Variants in ZBTB44 observed in about 807,000 individuals in gnomAD.
ZBTB44 encodes the protein zinc finger and BTB domain-containing protein 44.
A neutral mutation model predicts 54.0 loss-of-function variants in ZBTB44; 15 were observed. That is an observed-to-expected ratio of 0.28 (90% CI 0.19 to 0.43). The LOEUF is 0.43. Ranked by LOEUF, ZBTB44 falls within the 20% of genes least tolerant of loss-of-function variation. The pLI, the probability that ZBTB44 is intolerant of heterozygous loss-of-function variation, is 1.00. For synonymous variants in ZBTB44, 230 were observed against 250.1 expected (o/e 0.92, Z 0.76); for missense variants, 487 against 707.1 (o/e 0.69, Z 3.53).
At chr11:130,233,537 A>T in intron 6 of ZBTB44, 155 bp from the exon 7 acceptor site, 1 of 1,436,672 alleles carries the variant, frequency 7.0e-7, no homozygotes, top group Non-Finnish European at 9.1e-7. Context: ...TTCCAAAAAC[A>T]ACAGGCTTTA....
rs145912023 is a variant in ZBTB44 at position 130,240,499 on chromosome 11, GTAAT to G, written c.1019-607_1019-604del. 5.3e-3 allele frequency among the ~76,000 whole-genome samples: 801 copies of G among 152,272 alleles called. 12 individuals carry two copies. Among genetic ancestry groups the G allele is most frequent in the African/African-American group, 0.019 (769 of 41,560 alleles). ...CGAACAAAAATCCACATAAAACTGA[GTAAT>G]TAACCATTTAAGGAAACACTGAAAT... On this transcript the variant is annotated intron_variant, in intron 2 of 7. Transcript: ENST00000357899.
At chr11:130,234,797 C>CTAT (rs1257018697) in intron 5 of ZBTB44, among the ~76,000 whole-genome samples, 2 of 152,074 alleles carry the variant, frequency 1.3e-5, no homozygotes, top group Non-Finnish European at 2.9e-5. Context: ...GTGTATCCTG[C>CTAT]TATTACATTT....
intron 2 of ZBTB44, among the ~76,000 whole-genome samples, chr11:130,254,901 AG>A (rs1286360950): frequency 6.6e-6 from 1 of 152,174 alleles, no homozygotes; most frequent in Non-Finnish European, 1.5e-5. Context: ...GCCATAAAAA[AG>A]GATGGGTTCA....
chr11:130,243,647 G>A (rs1441580801), intron 2 of ZBTB44, among the ~76,000 whole-genome samples: 1 of 152,198 alleles, frequency 6.6e-6, no homozygotes, highest in African/African-American at 2.4e-5. Context: ...ACATGAGCAT[G>A]CTTTTCTCCA....
At chr11:130,239,985 G>C (rs1285707940) in intron 2 of ZBTB44, 89 bp from the exon 3 acceptor site, 3 of 836,960 alleles carry the variant, frequency 3.6e-6, no homozygotes, top group Non-Finnish European at 5.8e-6. Context: ...CTAAGCCTCT[G>C]ACATATATTA....
intron 1 of ZBTB44, among the ~76,000 whole-genome samples, chr11:130,301,522 C>T (rs1025809071): frequency 2.0e-5 from 3 of 151,930 alleles, no homozygotes; most frequent in Non-Finnish European, 2.9e-5. Context: ...TAATCCGCTG[C>T]GTGTGGTGGT....
intron 1 of ZBTB44, among the ~76,000 whole-genome samples, chr11:130,294,201 G>A (rs373027859): frequency 3.3e-5 from 5 of 151,988 alleles, no homozygotes; most frequent in African/African-American, 1.2e-4. Context: ...TTGAGGCCAG[G>A]AGTTTGAGAC....
At chr11:130,290,122 A>C (rs1941214765) in intron 1 of ZBTB44, among the ~76,000 whole-genome samples, 1 of 152,192 alleles carries the variant, frequency 6.6e-6, no homozygotes, top group South Asian at 2.1e-4. Flanking sequence ...GTCTCCTTAT[A>C]CAAGGAAGGC....
intron 1 of ZBTB44, among the ~76,000 whole-genome samples, chr11:130,287,670 CATG>C (rs1409030750): frequency 6.6e-6 from 1 of 152,098 alleles, no homozygotes; most frequent in Non-Finnish European, 1.5e-5. Context: ...GATATACCTA[CATG>C]ATAACTGATA....
At chr11:130,308,684 A>G (rs1228354873) in intron 1 of ZBTB44, among the ~76,000 whole-genome samples, 1 of 152,234 alleles carries the variant, frequency 6.6e-6, no homozygotes, top group East Asian at 1.9e-4. Flanking sequence ...ATGGCTACAC[A>G]TACCCATGCA....
At chr11:130,264,019 C>A (rs1222119292) in intron 1 of ZBTB44, among the ~76,000 whole-genome samples, 1 of 152,170 alleles carries the variant, frequency 6.6e-6, no homozygotes, top group Non-Finnish European at 1.5e-5. Context: ...TGGTTGAAAG[C>A]ACAGACTCTG....
chr11:130,281,898 C>T (rs1017159382), intron 1 of ZBTB44, among the ~76,000 whole-genome samples: 6 of 152,280 alleles, frequency 3.9e-5, no homozygotes, highest in East Asian at 1.9e-4. Flanking sequence ...AGCCACCGCG[C>T]CCGGCCTATT....
intron 6 of ZBTB44, 139 bp downstream of exon 6, chr11:130,234,017 C>T: frequency 1.3e-6 from 2 of 1,520,468 alleles, no homozygotes; most frequent in Non-Finnish European, 1.8e-6. Context: ...GAAGACAGCT[C>T]TGATTTTGGG....
At chr11:130,282,925 A>G (rs532597301) in intron 1 of ZBTB44, among the ~76,000 whole-genome samples, 1 of 151,588 alleles carries the variant, frequency 6.6e-6, no homozygotes, top group Non-Finnish European at 1.5e-5. Context: ...CAATCCTCCC[A>G]TATCAGTCTC....
At position 130,287,533 on chromosome 11, in the gene ZBTB44, T is replaced by C. The variant is rs147753111; in HGVS notation, c.-56-25604A>G. The stretch of plus-strand genomic sequence containing the variant: ...AAGTACTAACAAACAGAGGTAAGTG[T>C]TGGAAATAAAATGCAGAGACATATT... On this transcript the variant is annotated intron_variant, in intron 1 of 7. Transcript: ENST00000357899. Among the ~76,000 whole-genome samples the C allele has an allele frequency of 6.9e-3, 1,046 of 152,240 alleles. 30 individuals carry two copies. Among genetic ancestry groups the C allele is most frequent in the East Asian group, 0.053 (276 of 5,178 alleles).
intron 1 of ZBTB44, among the ~76,000 whole-genome samples, chr11:130,299,558 CAA>C (rs61645424): frequency 4.2e-4 from 22 of 52,600 alleles, no homozygotes; most frequent in East Asian, 6.1e-4. Context: ...GTCTCGGGGA[CAA>C]AAAAAAAAAA....
At chr11:130,239,957 C>A in intron 2 of ZBTB44, 61 bp from the exon 3 acceptor site, 1 of 1,206,422 alleles carries the variant, frequency 8.3e-7, no homozygotes, top group Non-Finnish European at 1.2e-6. Flanking sequence ...AAGATTGTAA[C>A]TGAAAGCTAT....
At position 130,314,464 on chromosome 11, in the gene ZBTB44, C is replaced by CG. The variant is rs1592098388; in HGVS notation, c.-147dup. ...CGGCGAGGCGGCGGCGGCGGCGGCCCGGGGGGAGGGGGCGGAGCGCGGCTC... is the reference window on the plus strand; with the variant it reads ...CGGCGAGGCGGCGGCGGCGGCGGCCCGGGGGGGAGGGGGCGGAGCGCGGCTC... On this transcript the variant is annotated 5_prime_UTR_variant, in exon 1 of 8. Transcript: ENST00000357899. The CG allele has an allele frequency of 2.1e-5, 1 of 48,642 alleles. No individual in the cohort carries two copies. Among genetic ancestry groups the CG allele is most frequent in the East Asian group, 6.6e-4 (1 of 1,512 alleles). The allele number at this position is 48,642 out of a possible 1,614,324, so 3.0% of individuals were successfully genotyped here. A position where few individuals can be genotyped will look rare whatever the true frequency, so the allele number is the denominator to read the frequency against.
At chr11:130,273,035 C>T (rs1392169888) in intron 1 of ZBTB44, among the ~76,000 whole-genome samples, 2 of 152,088 alleles carry the variant, frequency 1.3e-5, no homozygotes, top group Non-Finnish European at 2.9e-5. Context: ...TTCTGGGTCC[C>T]CTGCAACTCC....
Sources: gnomAD v4.1 joint callset for allele counts (sites outside exome capture counted in the v4.1 genomes callset) on GRCh38, gnomAD v4.1.1 for gene constraint, MANE v1.5 for transcripts, NCBI Gene and HGNC (gene_info 2026-07-23, HGNC 2026-07-21) for gene names.